The following PRLR variants were observed in gnomAD, a reference collection of about 807,000 sequenced individuals.
PRLR encodes hPRL receptor.
PRLR carries 13 observed loss-of-function variants against 40.2 expected under a neutral mutation model. That is an observed-to-expected ratio of 0.32 (90% confidence interval 0.21 to 0.51). The LOEUF is 0.51. PRLR is among the 20% of genes least tolerant of loss of function. The pLI, the probability that PRLR is intolerant of heterozygous loss-of-function variation, is 0.97. For synonymous variants in PRLR, 269 were observed against 278.7 expected, an observed-to-expected ratio of 0.97 and a Z score of 0.35; for missense variants, 656 against 747.3, an observed-to-expected ratio of 0.88 and a Z score of 1.42.
intron 2 of PRLR, among the ~76,000 whole-genome samples, chr5:35,090,479 T>C (rs1250651713): frequency 6.6e-6 from 1 of 152,174 alleles, no homozygotes; most frequent in Non-Finnish European, 1.5e-5. Flanking sequence ...TCATTAGTCT[T>C]GTTGGACTTC....
At chr5:35,081,466 T>C in intron 5 of PRLR, 1 of 182,698 alleles carries the variant, frequency 5.5e-6, no homozygotes, top group Non-Finnish European at 1.2e-5. Context: ...AAATATGACA[T>C]CAAAAAGGTG....
chr5:35,122,467 C>T (rs983411955), intron 1 of PRLR, among the ~76,000 whole-genome samples: 8 of 152,172 alleles, frequency 5.3e-5, no homozygotes, highest in South Asian at 2.1e-4. Flanking sequence ...GTGTTCTCAT[C>T]GTTCAGCTCC....
At chr5:35,111,860 G>A (rs141654110) in intron 2 of PRLR, among the ~76,000 whole-genome samples, 1,928 of 152,268 alleles carry the variant, frequency 0.013, 47 homozygotes, top group African/African-American at 0.043. Flanking sequence ...TTGTTTCTGG[G>A]AGGATGATTC....
chr5:35,172,295 C>T (rs1251843903), intron 1 of PRLR, among the ~76,000 whole-genome samples: 6 of 152,338 alleles, frequency 3.9e-5, no homozygotes, highest in Middle Eastern at 3.4e-3. Context: ...CTGCTCTGAA[C>T]TATGTGGACT....
chr5:35,196,382 G>A (rs1355106229), intron 1 of PRLR, among the ~76,000 whole-genome samples: 1 of 152,200 alleles, frequency 6.6e-6, no homozygotes, highest in Non-Finnish European at 1.5e-5. Context: ...TTTTATGAAA[G>A]GTTCTCATGC....
At chr5:35,181,241 T>C (rs751823557) in intron 1 of PRLR, among the ~76,000 whole-genome samples, 1 of 152,186 alleles carries the variant, frequency 6.6e-6, no homozygotes, top group Non-Finnish European at 1.5e-5. Flanking sequence ...GATAATCTCA[T>C]TAGGGGTTAA....
chr5:35,217,503 A>T (rs1376732768), intron 1 of PRLR, among the ~76,000 whole-genome samples: 2 of 152,202 alleles, frequency 1.3e-5, no homozygotes, highest in African/African-American at 4.8e-5. Flanking sequence ...CTAAAGAGTC[A>T]CTGCTACTAC....
downstream of PRLR, among the ~76,000 whole-genome samples, chr5:35,054,421 T>C (rs1484148415): frequency 9.8e-6 from 1 of 102,284 alleles, no homozygotes; most frequent in Non-Finnish European, 2.1e-5. Flanking sequence ...GGGGGATTAA[T>C]AAATAGTATA....
chr5:35,200,201 A>C (rs142573083), intron 1 of PRLR, among the ~76,000 whole-genome samples: 6 of 152,316 alleles, frequency 3.9e-5, no homozygotes, highest in African/African-American at 1.2e-4. Context: ...TTTAGAAATA[A>C]TATAGTTAAC....
intron 1 of PRLR, among the ~76,000 whole-genome samples, chr5:35,214,579 G>A (rs1233922059): frequency 6.6e-6 from 1 of 152,172 alleles, no homozygotes; most frequent in Non-Finnish European, 1.5e-5. Flanking sequence ...TGAGGTTCAA[G>A]AGAAGTAAAA....
intron 1 of PRLR, among the ~76,000 whole-genome samples, chr5:35,162,764 C>A (rs1007517268): frequency 5.3e-5 from 8 of 152,218 alleles, no homozygotes; most frequent in African/African-American, 1.4e-4. Context: ...GTCTACCTCT[C>A]CACATGCCTC....
rs1306256586 is a variant in PRLR at position 35,068,788 on chromosome 5, T to C, written c.776A>G (p.Lys259Arg). Residue 259 changes from lysine to arginine, a missense_variant, in exon 8 of 10, where the codon AAG (lysine) becomes AGG (arginine). Physicochemically the swap from Lys to Arg is conservative, Grantham distance 26. Transcript: ENST00000618457. ...AGAGACAGTGAAGTACCTATAGCCC[T>C]TCAAAGCCACTGCCCAGACAATAAT... Reference protein sequence around the residue: ...CLIIVWAVALKGYSMVTCIFP... With the variant: ...CLIIVWAVALRGYSMVTCIFP... The C allele has an allele frequency of 4.4e-6, 7 of 1,605,620 alleles. No individual in the cohort carries two copies. The highest frequency in any genetic ancestry group is 5.1e-6 in the Non-Finnish European group (6 of 1,172,592).
At chr5:35,070,321 G>A (rs2112393404) in intron 6 of PRLR, 56 bp from the exon 7 acceptor site, 1 of 1,585,816 alleles carries the variant, frequency 6.3e-7, no homozygotes, top group African/African-American at 1.4e-5. Context: ...TGAAGAAAGA[G>A]AGTTTTCCCC....
intron 1 of PRLR, among the ~76,000 whole-genome samples, chr5:35,202,692 G>A (rs988437418): frequency 1.3e-5 from 2 of 152,074 alleles, no homozygotes; most frequent in African/African-American, 2.4e-5. Context: ...TTAAATTAGT[G>A]TCTTTTAGTT....
chr5:35,178,263 C>T (rs1253210023), intron 1 of PRLR, among the ~76,000 whole-genome samples: 2 of 152,188 alleles, frequency 1.3e-5, no homozygotes, highest in Non-Finnish European at 2.9e-5. Context: ...AGTATTTCTA[C>T]ACACAGTAGA....
chr5:35,141,678 T>G (rs922899827), intron 1 of PRLR, among the ~76,000 whole-genome samples: 2 of 152,178 alleles, frequency 1.3e-5, no homozygotes, highest in African/African-American at 2.4e-5. Flanking sequence ...TTCAACCAAA[T>G]GTAAATGATG....
rs568140187 is a variant in PRLR at position 35,058,590 on chromosome 5, G to A, written c.*6499C>T. The A allele has an allele frequency of 2.1e-4, 32 of 152,216 alleles. No individual in the cohort carries two copies. The highest frequency in any genetic ancestry group is 4.4e-4 in the Non-Finnish European group (30 of 67,998). The allele number at this position is 152,216 out of a possible 1,614,324, so 9.4% of individuals were successfully genotyped here. A position where few individuals can be genotyped will look rare whatever the true frequency, so the allele number is the denominator to read the frequency against. ...ATTAGGAAAAAATTAGTACATTCAC[G>A]CTTTCAACAGAAATACATTACATAT... On this transcript the variant is annotated 3_prime_UTR_variant, in exon 10 of 10. Transcript: ENST00000618457.
chr5:35,115,609 C>T (rs66519917), intron 2 of PRLR, among the ~76,000 whole-genome samples: 2 of 151,686 alleles, frequency 1.3e-5, no homozygotes, highest in South Asian at 2.1e-4. Flanking sequence ...CAGAAGTGTG[C>T]GGATGGGGGC....
At chr5:35,129,946 C>T (rs150252466) in intron 1 of PRLR, among the ~76,000 whole-genome samples, 1 of 152,176 alleles carries the variant, frequency 6.6e-6, no homozygotes, top group African/African-American at 2.4e-5. Context: ...GGTGACTTAC[C>T]CTGGGCATGT....
Sources: allele counts gnomAD v4.1 joint callset (sites outside exome capture counted in the v4.1 genomes callset), GRCh38; gene constraint gnomAD v4.1.1; transcripts MANE v1.5; gene names NCBI Gene and HGNC (gene_info 2026-07-23, HGNC 2026-07-21).